The following PDE9A variants were observed in gnomAD, a reference collection of about 807,000 sequenced individuals.
PDE9A encodes phosphodiesterase 9A.
A neutral mutation model predicts 87.4 loss-of-function variants in PDE9A; 60 were observed. The observed-to-expected ratio is 0.69, with a 90% CI of 0.56 to 0.85. The LOEUF is 0.85. Ranked by LOEUF, PDE9A falls within the 40% of genes least tolerant of loss-of-function variation. PDE9A has a pLI of 0.00. For synonymous variants in PDE9A, 272 were observed against 279.4 expected (o/e 0.97, Z 0.27); for missense variants, 665 against 779.0 (o/e 0.85, Z 1.74).
At chr21:42,720,520 C>T (rs2050396307) in intron 4 of PDE9A, among the ~76,000 whole-genome samples, 1 of 151,960 alleles carries the variant, frequency 6.6e-6, no homozygotes, top group African/African-American at 2.4e-5. Context: ...AAGTTCACCC[C>T]ACTACGGGCA....
chr21:42,654,213 A>G (rs981037395), intron 1 of PDE9A, among the ~76,000 whole-genome samples: 16 of 152,216 alleles, frequency 1.1e-4, no homozygotes, highest in Non-Finnish European at 1.8e-4. Flanking sequence ...CCCGCCGGGC[A>G]GCCCCGGGGT....
chr21:42,761,532 C>A (rs2055767529), intron 13 of PDE9A, among the ~76,000 whole-genome samples: 1 of 152,232 alleles, frequency 6.6e-6, no homozygotes, highest in Non-Finnish European at 1.5e-5. Context: ...CAGCAGCTCT[C>A]TCTGTTGAAC....
intron 4 of PDE9A, among the ~76,000 whole-genome samples, chr21:42,726,470 A>AT (rs1385987799): frequency 6.6e-6 from 1 of 150,612 alleles, no homozygotes; most frequent in Non-Finnish European, 1.5e-5. Context: ...CTTTGCATTG[A>AT]TTTTTATATA....
intron 4 of PDE9A, among the ~76,000 whole-genome samples, chr21:42,709,735 G>A (rs1226018641): frequency 6.6e-6 from 1 of 152,068 alleles, no homozygotes; most frequent in Non-Finnish European, 1.5e-5. Flanking sequence ...CCCAGGCTGG[G>A]GTGTGAGGCA....
chr21:42,749,158 A>T (rs1261247995), intron 8 of PDE9A, among the ~76,000 whole-genome samples: 1 of 152,196 alleles, frequency 6.6e-6, no homozygotes, highest in African/African-American at 2.4e-5. Flanking sequence ...ATTCCCCAGG[A>T]TAGATATGTG....
chr21:42,698,489 G>T (rs531164405), intron 3 of PDE9A, among the ~76,000 whole-genome samples: 2 of 152,096 alleles, frequency 1.3e-5, no homozygotes, highest in East Asian at 3.9e-4. Context: ...GCTGGGCCTC[G>T]TGATGATGGG....
At chr21:42,762,935 C>T (rs969447536) in intron 14 of PDE9A, among the ~76,000 whole-genome samples, 64 of 152,284 alleles carry the variant, frequency 4.2e-4, no homozygotes, top group African/African-American at 1.3e-3. Flanking sequence ...TCAGGTGATC[C>T]ACCTGCCTCG....
intron 8 of PDE9A, among the ~76,000 whole-genome samples, chr21:42,745,685 T>C (rs537998065): frequency 1.4e-4 from 22 of 152,350 alleles, no homozygotes; most frequent in African/African-American, 5.0e-4. Context: ...CCAGGTGCCA[T>C]GGCTGCTTTG....
intron 16 of PDE9A, 78 bp downstream of exon 16, chr21:42,768,370 A>G: frequency 1.8e-6 from 2 of 1,115,926 alleles, no homozygotes; most frequent in Non-Finnish European, 2.7e-6. Flanking sequence ...TTAAACGAGC[A>G]CGCCTGGGTG....
intron 4 of PDE9A, among the ~76,000 whole-genome samples, chr21:42,701,367 G>T (rs7276054): frequency 0.04 from 6,045 of 150,926 alleles, 404 homozygotes; most frequent in African/African-American, 0.14. Flanking sequence ...TTCTTATAGT[G>T]CTGGTCTTCT....
At position 42,705,993 on chromosome 21, in the gene PDE9A, G is replaced by A. The variant is rs1015255624; in HGVS notation, c.262+6982G>A. Reference sequence around the variant, plus strand: ...TTCCATAGAAGGACAATAAAAGGGGGCCATAAGGAGGCGCATCCGCAGAGT... The same window carrying A: ...TTCCATAGAAGGACAATAAAAGGGGACCATAAGGAGGCGCATCCGCAGAGT... On this transcript the variant is annotated intron_variant, in intron 4 of 19. Coordinates refer to ENST00000291539, the MANE Select transcript of PDE9A (RefSeq NM_002606.3). The surrounding 1 kb of genome is among the most constrained non-coding windows in gnomAD (Gnocchi z 4.3). Among the ~76,000 whole-genome samples the A allele has an allele frequency of 2.0e-5, 3 of 152,348 alleles. No homozygotes were observed. The highest frequency in any genetic ancestry group is 2.0e-4 in the Admixed American group (3 of 15,298).
chr21:42,683,917 G>A (rs1386059368), intron 1 of PDE9A, among the ~76,000 whole-genome samples: 1 of 152,204 alleles, frequency 6.6e-6, no homozygotes, highest in Admixed American at 6.5e-5. Context: ...GCGGGGTGGG[G>A]CGAGGACTTT....
chr21:42,750,150 AT>A (rs1421695174), intron 8 of PDE9A, among the ~76,000 whole-genome samples: 2 of 151,996 alleles, frequency 1.3e-5, no homozygotes, highest in African/African-American at 4.8e-5. Context: ...AAATAAATAA[AT>A]AAATAAAAAT....
Position 42,671,452 on chromosome 21 carries a change from T to G in PDE9A, c.70-14740T>G, listed in dbSNP as rs140370241. Among the ~76,000 whole-genome samples the G allele has an allele frequency of 9.3e-4, 142 of 152,368 alleles. 1 individual carries two copies. The highest frequency in any genetic ancestry group is 5.8e-4 in the East Asian group (3 of 5,196). Reference sequence around the variant, plus strand: ...ATGAGGCTGAATACAGATTTTATTTTAGCAAATAGAGAAGCAGTGATTGTC... The same window carrying G: ...ATGAGGCTGAATACAGATTTTATTTGAGCAAATAGAGAAGCAGTGATTGTC... On this transcript the variant is annotated intron_variant, in intron 1 of 19. Coordinates refer to ENST00000291539, the MANE Select transcript of PDE9A (RefSeq NM_002606.3).
chr21:42,761,157 C>T (rs373348741), intron 13 of PDE9A, among the ~76,000 whole-genome samples: 5 of 152,356 alleles, frequency 3.3e-5, no homozygotes, highest in East Asian at 1.9e-4. Context: ...GCGGGCCTGG[C>T]TTCAGGCTCA....
At chr21:42,763,880 T>G (rs577998164) in intron 14 of PDE9A, among the ~76,000 whole-genome samples, 3 of 152,270 alleles carry the variant, frequency 2.0e-5, no homozygotes, top group African/African-American at 7.2e-5. Context: ...CAAAGCCCAG[T>G]GTAAAAAACT....
rs2059895063 is a variant in PDE9A, at chr21:42,692,352, C to T, written c.218+4358C>T. Among the ~76,000 whole-genome samples the T allele has an allele frequency of 6.6e-6, 1 of 152,120 alleles. No homozygotes were observed. Among genetic ancestry groups the T allele is most frequent in the African/African-American group, 2.4e-5 (1 of 41,420 alleles). ...TCTGATGGGTGGAGACCCGGGATGCCAATGGCATCCTACAGCGCACAGGAC... is the reference window on the plus strand; with the variant it reads ...TCTGATGGGTGGAGACCCGGGATGCTAATGGCATCCTACAGCGCACAGGAC... On this transcript the variant is annotated intron_variant, in intron 3 of 19. Coordinates refer to ENST00000291539, the MANE Select transcript of PDE9A (RefSeq NM_002606.3). This position sits in a 1 kb window ranked among gnomAD's most constrained non-coding sequence, Gnocchi z 4.3.
rs569291326 is a variant in PDE9A at position 42,675,835 on chromosome 21, G to T, written c.70-10357G>T. Among the ~76,000 whole-genome samples the T allele has an allele frequency of 1.2e-4, 19 of 152,318 alleles. No homozygotes were observed. The highest frequency in any genetic ancestry group is 4.6e-4 in the African/African-American group (19 of 41,572). The stretch of plus-strand genomic sequence containing the variant: ...TGATCCAGATTCTCCAGTTGTACTT[G>T]CTGATGTCGTTTAGATATTTGTCCC... On this transcript the variant is annotated intron_variant, in intron 1 of 19. Transcript: ENST00000291539. The surrounding 1 kb of genome is among the most constrained non-coding windows in gnomAD (Gnocchi z 4.3).
intron 4 of PDE9A, among the ~76,000 whole-genome samples, chr21:42,712,312 A>AT (rs2049424417): frequency 6.6e-6 from 1 of 152,050 alleles, no homozygotes; most frequent in South Asian, 2.1e-4. Flanking sequence ...GATTTCATTA[A>AT]TTTTCCAATT....
Sources: allele counts gnomAD v4.1 joint callset (sites outside exome capture counted in the v4.1 genomes callset), GRCh38; gene constraint gnomAD v4.1.1; non-coding constraint Gnocchi (gnomAD v3.1); transcripts MANE v1.5; gene names NCBI Gene and HGNC (gene_info 2026-07-23, HGNC 2026-07-21).